The following CADM1 variants were observed in gnomAD, a reference collection of about 807,000 sequenced individuals.
CADM1 encodes cell adhesion molecule 1, also known as TSLC-1.
CADM1 carries 15 observed loss-of-function variants against 53.1 expected under a neutral mutation model. The ratio of observed to expected loss-of-function variants is 0.28; its 90% CI spans 0.19 to 0.44. The LOEUF is 0.44. Among genes scored for constraint, CADM1 ranks in the 20% least tolerant of loss-of-function variants. CADM1 has a pLI of 1.00. For synonymous variants in CADM1, 281 were observed against 243.0 expected, an observed-to-expected ratio of 1.16 and a Z score of -1.45; for missense variants, 434 against 611.3, an observed-to-expected ratio of 0.71 and a Z score of 3.06.
chr11:115,413,644 C>CTTTTT (rs71066424), intron 1 of CADM1, among the ~76,000 whole-genome samples: 5 of 120,916 alleles, frequency 4.1e-5, no homozygotes, highest in African/African-American at 5.9e-5. Flanking sequence ...CAGCTCAGTT[C>CTTTTT]TTTTTTTTTT....
rs370938048 is a variant in CADM1, at chr11:115,452,970, T to C, written c.124+51301A>G. On this transcript the variant is annotated intron_variant, in intron 1 of 11. Coordinates refer to ENST00000331581, the MANE Select transcript of CADM1 (RefSeq NM_001301043.2). ...AAAAGCCAAACCTATAAGCATGTAATGCTTTGCAGTATAAATATATATAAT... is the reference window on the plus strand; with the variant it reads ...AAAAGCCAAACCTATAAGCATGTAACGCTTTGCAGTATAAATATATATAAT... Among the ~76,000 whole-genome samples, 13 of 152,282 alleles carry C rather than the reference T, an allele frequency of 8.5e-5. No homozygotes were observed. In the East Asian group the frequency reaches 1.4e-3, roughly 16 times the overall value.
intron 1 of CADM1, among the ~76,000 whole-genome samples, chr11:115,503,103 G>C (rs1475457701): frequency 6.6e-6 from 1 of 152,048 alleles, no homozygotes; most frequent in Admixed American, 6.5e-5. Flanking sequence ...CTGCAGCAGG[G>C]GCCAGAGGAC....
chr11:115,462,122 G>A (rs1415451917), intron 1 of CADM1, among the ~76,000 whole-genome samples: 1 of 152,160 alleles, frequency 6.6e-6, no homozygotes, highest in Admixed American at 6.5e-5. Context: ...ATTTTTAAAT[G>A]GAAACAGAAG....
intron 1 of CADM1, among the ~76,000 whole-genome samples, chr11:115,268,728 G>A (rs968055810): frequency 3.3e-5 from 5 of 152,156 alleles, no homozygotes; most frequent in East Asian, 3.9e-4. Flanking sequence ...GCTGCGAAGC[G>A]GCTTTAAAGG....
intron 1 of CADM1, among the ~76,000 whole-genome samples, chr11:115,423,041 T>A (rs1188801626): frequency 6.6e-6 from 1 of 151,856 alleles, no homozygotes; most frequent in African/African-American, 2.4e-5. Context: ...TTTTTTTTTT[T>A]AATGTTTGTG....
At chr11:115,303,252 A>T (rs1944280037) in intron 1 of CADM1, among the ~76,000 whole-genome samples, 1 of 152,082 alleles carries the variant, frequency 6.6e-6, no homozygotes, top group Non-Finnish European at 1.5e-5. Flanking sequence ...TATAAGGGAA[A>T]CAATTCAATA....
chr11:115,379,696 T>G (rs1458875349), intron 1 of CADM1, among the ~76,000 whole-genome samples: 5 of 152,170 alleles, frequency 3.3e-5, no homozygotes, highest in Non-Finnish European at 5.9e-5. Flanking sequence ...TTTGAGCCAC[T>G]GGGAGGAACT....
At chr11:115,323,033 C>A in intron 1 of CADM1, among the ~76,000 whole-genome samples, 1 of 152,088 alleles carries the variant, frequency 6.6e-6, no homozygotes. Flanking sequence ...ATTGGCTGCA[C>A]CATTTTACAT....
intron 1 of CADM1, among the ~76,000 whole-genome samples, chr11:115,503,422 A>C (rs1209415611): frequency 6.6e-6 from 1 of 152,042 alleles, no homozygotes; most frequent in Admixed American, 6.5e-5. Context: ...AGAGGCCGCG[A>C]CGCCCCCTCC....
At chr11:115,302,167 A>G (rs1565352739) in intron 1 of CADM1, among the ~76,000 whole-genome samples, 1 of 151,968 alleles carries the variant, frequency 6.6e-6, no homozygotes, top group Non-Finnish European at 1.5e-5. Context: ...GAAGGGTGGA[A>G]GGAGGGAGCG....
At chr11:115,449,620 CT>C (rs1471016559) in intron 1 of CADM1, among the ~76,000 whole-genome samples, 9 of 152,188 alleles carry the variant, frequency 5.9e-5, no homozygotes, top group Non-Finnish European at 8.8e-5. Context: ...TAATTTTCCC[CT>C]GTCAGTTTTT....
intron 5 of CADM1, among the ~76,000 whole-genome samples, chr11:115,220,407 C>G (rs567498945): frequency 6.6e-6 from 1 of 152,196 alleles, no homozygotes; most frequent in South Asian, 2.1e-4. Context: ...ATTTGTTATA[C>G]CCAAAATTTA....
chr11:115,234,897 A>AG (rs1472198614), intron 3 of CADM1, among the ~76,000 whole-genome samples: 1 of 147,546 alleles, frequency 6.8e-6, no homozygotes, highest in Non-Finnish European at 1.5e-5. Flanking sequence ...CGTCTCCAAA[A>AG]AAAAAAAAAA....
At chr11:115,459,575 T>C (rs1439410536) in intron 1 of CADM1, among the ~76,000 whole-genome samples, 1 of 152,160 alleles carries the variant, frequency 6.6e-6, no homozygotes, top group Non-Finnish European at 1.5e-5. Context: ...GAGCATACTC[T>C]GAGCAAAGAT....
chr11:115,242,320 A>T (rs905813192), intron 1 of CADM1, among the ~76,000 whole-genome samples: 2 of 151,344 alleles, frequency 1.3e-5, no homozygotes, highest in African/African-American at 4.9e-5. Flanking sequence ...ATAACAACAA[A>T]GAGAAAAGGT....
chr11:115,245,310 A>T lies in CADM1; in HGVS notation c.125-4890T>A, dbSNP rs560378563. On this transcript the variant is annotated intron_variant, in intron 1 of 11. Transcript: ENST00000331581. ...AAAACTATTGATTGTTAAAAAAAAA[A>T]CATTCTGCTAATCAATATAGTAAGT... 8.7e-4 allele frequency among the ~76,000 whole-genome samples: 133 copies of T among 152,304 alleles called. 1 individual carries two copies. The highest frequency in any genetic ancestry group is 2.4e-3 in the Admixed American group (36 of 15,296).
At position 115,175,345 on chromosome 11, in the gene CADM1, A is replaced by G; in HGVS notation, c.*1129T>C. ...GTAATATACAGTACATGCAGGCCAC[A>G]TCCTACTGCCTTCCTAACTAAGCAC... On this transcript the variant is annotated 3_prime_UTR_variant, in exon 12 of 12. Transcript: ENST00000331581. 1 of 982,644 alleles carries G rather than the reference A, an allele frequency of 1.0e-6. No homozygotes were observed. The highest frequency in any genetic ancestry group is 1.2e-6 in the Non-Finnish European group (1 of 828,944). 60.9% of individuals were successfully genotyped at this position (982,644 alleles called of 1,614,324 possible).
chr11:115,260,437 G>A (rs942557164), intron 1 of CADM1, among the ~76,000 whole-genome samples: 10 of 152,232 alleles, frequency 6.6e-5, no homozygotes, highest in Non-Finnish European at 1.5e-4. Context: ...GTATCATACT[G>A]TATCAGGTAA....
At chr11:115,446,487 A>G (rs1052200851) in intron 1 of CADM1, among the ~76,000 whole-genome samples, 1 of 152,190 alleles carries the variant, frequency 6.6e-6, no homozygotes, top group African/African-American at 2.4e-5. Flanking sequence ...AACTAGAAAT[A>G]GGCACTGAGT....
Sources: allele counts gnomAD v4.1 joint callset (sites outside exome capture counted in the v4.1 genomes callset), GRCh38; gene constraint gnomAD v4.1.1; transcripts MANE v1.5; gene names NCBI Gene and HGNC (gene_info 2026-07-23, HGNC 2026-07-21).